Variants in TRPC6 observed in about 807,000 individuals in gnomAD.
TRPC6 encodes the protein short transient receptor potential channel 6.
A neutral mutation model predicts 90.7 loss-of-function variants in TRPC6; 55 were observed. That is an observed-to-expected ratio of 0.61 (90% CI 0.49 to 0.76). The LOEUF (loss-of-function observed/expected upper bound fraction) is 0.76, where lower values mean the gene tolerates loss of function less well. Among genes scored for constraint, TRPC6 ranks in the 30% least tolerant of loss-of-function variants. The pLI is 0.00. For synonymous variants in TRPC6, 393 were observed against 393.0 expected, an observed-to-expected ratio of 1.00 and a Z score of 0.00; for missense variants, 989 against 1,122.7, an observed-to-expected ratio of 0.88 and a Z score of 1.70.
rs140496742 is a variant in TRPC6 at position 101,504,696 on chromosome 11, G to A, written c.273C>T (p.Arg91=). Residue 91 remains arginine, a synonymous_variant, in exon 2 of 13, where the codon CGC becomes CGT. Transcript: ENST00000344327. ...NRGPAYMFSD[R]STSLSIEEER... is the part of the protein sequence containing the mutation. Reference sequence around the variant, plus strand: ...CCTCCTCTATAGATAGGCTTGTGGAGCGATCACTAAACATGTATGCTGGTC... The same window carrying A: ...CCTCCTCTATAGATAGGCTTGTGGAACGATCACTAAACATGTATGCTGGTC... 11 of 1,595,484 alleles carry A rather than the reference G, an allele frequency of 6.9e-6. No individual in the cohort carries two copies. Among genetic ancestry groups the A allele is most frequent in the Middle Eastern group, 1.7e-4 (1 of 5,952 alleles).
At chr11:101,538,138 T>G (rs1465642793) in intron 1 of TRPC6, among the ~76,000 whole-genome samples, 1 of 152,174 alleles carries the variant, frequency 6.6e-6, no homozygotes, top group African/African-American at 2.4e-5. Flanking sequence ...TAGCACTCTC[T>G]AGTATGTTTC....
intron 6 of TRPC6, among the ~76,000 whole-genome samples, chr11:101,474,350 T>A (rs1859364910): frequency 6.6e-6 from 1 of 152,156 alleles, no homozygotes; most frequent in Admixed American, 6.6e-5. Flanking sequence ...ATTTTTACCA[T>A]AAAATGAAGC....
chr11:101,455,174 T>TTAGATAA, intron 10 of TRPC6, 73 bp from the exon 11 acceptor site: 3 of 1,169,052 alleles, frequency 2.6e-6, no homozygotes, highest in Non-Finnish European at 3.8e-6. Flanking sequence ...AGATTAGTTA[T>TTAGATAA]CTAATGAACT....
chr11:101,541,490 T>C (rs2136820098), intron 1 of TRPC6, among the ~76,000 whole-genome samples: 1 of 151,978 alleles, frequency 6.6e-6, no homozygotes, highest in East Asian at 1.9e-4. Flanking sequence ...GCCTCCCAAG[T>C]AGCTGGGATT....
At chr11:101,516,675 GTTCA>G (rs1375941403) in intron 1 of TRPC6, among the ~76,000 whole-genome samples, 1 of 152,214 alleles carries the variant, frequency 6.6e-6, no homozygotes, top group Non-Finnish European at 1.5e-5. Flanking sequence ...AGAACCTGTG[GTTCA>G]TTATCTGGCT....
chr11:101,509,613 C>G (rs1860353384), intron 1 of TRPC6, among the ~76,000 whole-genome samples: 1 of 152,078 alleles, frequency 6.6e-6, no homozygotes. Context: ...CAAGTTCTAT[C>G]TTGGCAAGCC....
At position 101,500,557 on chromosome 11, in the gene TRPC6, A is replaced by G. The variant is rs149619003; in HGVS notation, c.945+3467T>C. Among the ~76,000 whole-genome samples the G allele has an allele frequency of 8.1e-3, 1,240 of 152,196 alleles. 14 individuals carry two copies. The highest frequency in any genetic ancestry group is 0.029 in the African/African-American group (1,191 of 41,518). On this transcript the variant is annotated intron_variant, in intron 2 of 12. Transcript: ENST00000344327. ...GGTTGATTTTTGTAGTTTTTGATCT[A>G]ATATACTAATAATAGATATAAAGAC...
intron 7 of TRPC6, among the ~76,000 whole-genome samples, chr11:101,472,899 T>C (rs1047097933): frequency 2.0e-5 from 3 of 152,132 alleles, no homozygotes; most frequent in Admixed American, 2.0e-4. Flanking sequence ...TAGGCTTACA[T>C]TTCAGTTGTT....
intron 2 of TRPC6, among the ~76,000 whole-genome samples, chr11:101,492,717 A>C (rs1233957033): frequency 6.6e-6 from 1 of 152,204 alleles, no homozygotes; most frequent in African/African-American, 2.4e-5. Flanking sequence ...TTAGGCATAC[A>C]ATATACATTT....
At chr11:101,480,469 A>G (rs1413835705) in intron 5 of TRPC6, among the ~76,000 whole-genome samples, 2 of 152,052 alleles carry the variant, frequency 1.3e-5, no homozygotes, top group Non-Finnish European at 2.9e-5. Context: ...GGTGCTCTCA[A>G]GTTTATACAT....
chr11:101,528,825 T>C (rs571623502), intron 1 of TRPC6, among the ~76,000 whole-genome samples: 270 of 152,246 alleles, frequency 1.8e-3, no homozygotes, highest in Non-Finnish European at 3.2e-3. Context: ...TCTGGAAGGC[T>C]AAGTTGACTT....
intron 6 of TRPC6, among the ~76,000 whole-genome samples, chr11:101,474,994 T>C (rs1859378903): frequency 6.6e-6 from 1 of 152,150 alleles, no homozygotes; most frequent in Non-Finnish European, 1.5e-5. Context: ...CCATCCTCTT[T>C]TTGTGAGGAG....
chr11:101,506,764 C>T (rs1332126251), intron 1 of TRPC6, among the ~76,000 whole-genome samples: 1 of 151,970 alleles, frequency 6.6e-6, no homozygotes, highest in Non-Finnish European at 1.5e-5. Flanking sequence ...ATAGCTATTA[C>T]TTTGTTTTTA....
chr11:101,549,053 T>C (rs1258743249), intron 1 of TRPC6, among the ~76,000 whole-genome samples: 1 of 151,934 alleles, frequency 6.6e-6, no homozygotes, highest in Admixed American at 6.6e-5. Context: ...ATATCACTTT[T>C]TAAAATTAAA....
chr11:101,469,588 C>A lies in TRPC6; in HGVS notation c.2410-87G>T, dbSNP rs1859238573. ...ATTTTAAAAGCCATTTCGTCTAATT[C>A]TCCAACAAGTTTTAATGAGAGAAAC... On this transcript the variant is annotated intron_variant, in intron 9 of 12. Transcript: ENST00000344327. 4 of 658,922 alleles carry A rather than the reference C, an allele frequency of 6.1e-6. No individual in the cohort carries two copies. The Admixed American group carries it at 7.1e-5, about 12-fold the overall frequency. 40.8% of individuals were successfully genotyped at this position (658,922 alleles called of 1,614,324 possible). A position where few individuals can be genotyped will look rare whatever the true frequency, so the allele number is the denominator to read the frequency against.
intron 10 of TRPC6, among the ~76,000 whole-genome samples, chr11:101,465,904 GGTTTCTCACCATCTT>G (rs1322968463): frequency 3.9e-5 from 6 of 152,094 alleles, no homozygotes; most frequent in African/African-American, 9.7e-5. Context: ...TTTTTGCACT[GGTTTCTCACCATCTT>G]GTTTCTCACC....
chr11:101,491,791 T>C, intron 2 of TRPC6, 53 bp from the exon 3 acceptor site: 3 of 1,487,882 alleles, frequency 2.0e-6, no homozygotes, highest in Non-Finnish European at 2.8e-6. Flanking sequence ...CACGTTTTAC[T>C]ATGCTTCAGA....
intron 1 of TRPC6, among the ~76,000 whole-genome samples, chr11:101,521,634 G>A (rs1223549004): frequency 6.6e-6 from 1 of 152,208 alleles, no homozygotes; most frequent in Non-Finnish European, 1.5e-5. Context: ...TCCATTGACA[G>A]TTTGCACTGT....
intron 1 of TRPC6, among the ~76,000 whole-genome samples, chr11:101,580,671 T>A (rs906204831): frequency 1.3e-5 from 2 of 152,106 alleles, no homozygotes; most frequent in Non-Finnish European, 2.9e-5. Flanking sequence ...AAGAAAACTA[T>A]GAAACAGAAA....
Sources: gnomAD v4.1 joint callset for allele counts (sites outside exome capture counted in the v4.1 genomes callset) on GRCh38, gnomAD v4.1.1 for gene constraint, MANE v1.5 for transcripts, NCBI Gene and HGNC (gene_info 2026-07-23, HGNC 2026-07-21) for gene names.